Variants in SEC23IP observed in about 807,000 individuals in gnomAD.
The protein encoded by SEC23IP is SEC23-interacting protein.
In SEC23IP, 70 loss-of-function variants were observed where a neutral mutation model predicts 113.4. The ratio of observed to expected loss-of-function variants is 0.62; its 90% CI spans 0.51 to 0.75. The LOEUF (loss-of-function observed/expected upper bound fraction) is 0.75, where lower values mean the gene tolerates loss of function less well. Among genes scored for constraint, SEC23IP ranks in the 30% least tolerant of loss-of-function variants. The probability of loss-of-function intolerance (pLI) is 0.00; values close to 1 mark genes in which losing one functional copy is unlikely to be tolerated. For missense variants in SEC23IP, 1,160 were observed against 1,204.9 expected (o/e 0.96, Z 0.55); for synonymous variants, 398 against 421.0 (o/e 0.95, Z 0.67).
intron 12 of SEC23IP, among the ~76,000 whole-genome samples, chr10:119,922,142 G>C (rs1855269353): frequency 6.6e-6 from 1 of 152,154 alleles, no homozygotes; most frequent in Non-Finnish European, 1.5e-5. Context: ...GTGCTGTCCT[G>C]AGGCAGATGA....
At chr10:119,920,513 A>C (rs1218192641) in intron 11 of SEC23IP, among the ~76,000 whole-genome samples, 1 of 152,268 alleles carries the variant, frequency 6.6e-6, no homozygotes, top group Non-Finnish European at 1.5e-5. Context: ...ACACACAGAG[A>C]AAAACATGTA....
intron 12 of SEC23IP, among the ~76,000 whole-genome samples, chr10:119,923,205 C>T (rs1001781761): frequency 6.6e-6 from 1 of 151,950 alleles, no homozygotes; most frequent in Non-Finnish European, 1.5e-5. Flanking sequence ...TTGAAATGAG[C>T]AAAAATCTAT....
At chr10:119,912,640 T>C (rs1854902819) in intron 6 of SEC23IP, among the ~76,000 whole-genome samples, 1 of 136,464 alleles carries the variant, frequency 7.3e-6, no homozygotes, top group African/African-American at 2.5e-5. Context: ...CTTTTTCTTT[T>C]TCTTTTTTTT....
chr10:119,911,615 G>A (rs1037927511), intron 5 of SEC23IP, among the ~76,000 whole-genome samples: 3 of 151,844 alleles, frequency 2.0e-5, no homozygotes, highest in African/African-American at 7.3e-5. Context: ...AGCTGGTTCT[G>A]CAGGCATGCA....
At chr10:119,925,832 G>A (rs1052968107) in intron 12 of SEC23IP, among the ~76,000 whole-genome samples, 3 of 152,196 alleles carry the variant, frequency 2.0e-5, no homozygotes, top group African/African-American at 7.2e-5. Context: ...GTGAGCCACT[G>A]TGCCTGACCT....
At chr10:119,931,903 TTA>T (rs1855617820) in intron 15 of SEC23IP, among the ~76,000 whole-genome samples, 1 of 150,728 alleles carries the variant, frequency 6.6e-6, no homozygotes. Flanking sequence ...GAGAGAAAAT[TTA>T]TAGATTTTTG....
intron 7 of SEC23IP, among the ~76,000 whole-genome samples, chr10:119,915,304 C>T (rs943350451): frequency 9.9e-5 from 15 of 151,974 alleles, no homozygotes; most frequent in Admixed American, 2.0e-4. Flanking sequence ...GGGGTATAGG[C>T]GCTGTCACTG....
At chr10:119,912,842 C>T (rs1322837115) in intron 6 of SEC23IP, among the ~76,000 whole-genome samples, 2 of 151,660 alleles carry the variant, frequency 1.3e-5, no homozygotes, top group Non-Finnish European at 2.9e-5. Flanking sequence ...GGTTTCACCA[C>T]GTTGGCCAGG....
chr10:119,909,241 A>G, intron 5 of SEC23IP, 111 bp downstream of exon 5: 1 of 659,740 alleles, frequency 1.5e-6, no homozygotes. Context: ...ATGTTTTTGT[A>G]ACAAGTGCAT....
rs1855955887 is a variant in SEC23IP at position 119,941,258 on chromosome 10, T to C, written c.*693T>C. ...GGAAGCGCTCTCCTAGCACGTCCAT[T>C]TCCAGGAGGAGAAGCAAGCAGATGA... On this transcript the variant is annotated 3_prime_UTR_variant, in exon 19 of 19. Transcript: ENST00000369075. 6.6e-6 allele frequency: 1 copy of C among 152,186 alleles called. No homozygotes were observed. Among genetic ancestry groups the C allele is most frequent in the Admixed American group, 6.5e-5 (1 of 15,276 alleles). The allele number at this position is 152,186 out of a possible 1,614,324, so 9.4% of individuals were successfully genotyped here.
At chr10:119,922,899 A>G (rs1384923897) in intron 12 of SEC23IP, among the ~76,000 whole-genome samples, 1 of 152,034 alleles carries the variant, frequency 6.6e-6, no homozygotes, top group Non-Finnish European at 1.5e-5. Flanking sequence ...AGTCAAACTG[A>G]GACTAGGACA....
rs1490734020 is a variant in SEC23IP at position 119,895,251 on chromosome 10, G to T, written c.163+2306G>T. On this transcript the variant is annotated intron_variant, in intron 1 of 18. Transcript: ENST00000369075. ...ACACAAAAGTTAGTTGGATGTGGTG[G>T]TGGGCGCCTGTAATCCCAGCTACTC... Among the ~76,000 whole-genome samples the T allele has an allele frequency of 3.3e-5, 5 of 152,196 alleles. No individual in the cohort carries two copies. The East Asian group carries it at 9.6e-4, about 29-fold the overall frequency.
rs555122741 is a variant in SEC23IP at position 119,943,120 on chromosome 10, G to A, written c.*2555G>A. The A allele has an allele frequency of 1.2e-4, 19 of 152,232 alleles. No homozygotes were observed. The highest frequency in any genetic ancestry group is 3.6e-4 in the African/African-American group (15 of 41,524). The allele number at this position is 152,232 out of a possible 1,614,324, so 9.4% of individuals were successfully genotyped here. ...TGAGGCATCTAACTATCTTAATGCTGTACTTTAGTGTTTACCAAGCAGCTT... is the reference window on the plus strand; with the variant it reads ...TGAGGCATCTAACTATCTTAATGCTATACTTTAGTGTTTACCAAGCAGCTT... On this transcript the variant is annotated 3_prime_UTR_variant, in exon 19 of 19. Transcript: ENST00000369075.
intron 4 of SEC23IP, among the ~76,000 whole-genome samples, chr10:119,905,252 A>C (rs528661401): frequency 6.6e-6 from 1 of 152,332 alleles, no homozygotes; most frequent in African/African-American, 2.4e-5. Flanking sequence ...TAAATAAACA[A>C]ATAAAGATAT....
intron 4 of SEC23IP, among the ~76,000 whole-genome samples, chr10:119,907,388 G>T (rs867268854): frequency 6.6e-6 from 1 of 151,940 alleles, no homozygotes; most frequent in East Asian, 1.9e-4. Context: ...CTATTTTCAC[G>T]TGATTGTCAA....
At chr10:119,908,257 GA>G (rs1184041881) in intron 4 of SEC23IP, among the ~76,000 whole-genome samples, 2 of 151,736 alleles carry the variant, frequency 1.3e-5, no homozygotes, top group South Asian at 2.1e-4. Flanking sequence ...CAGCCCACAT[GA>G]AAAAAAAGAA....
In SEC23IP at chr10:119,943,371, TAACCTGTCTTC is replaced by T. The variant is rs1856008081; in HGVS notation, c.*2808_*2818del. ...GCGGTGCACGGGACAGACTGTCAGC[TAACCTGTCTTC>T]ATGACATTTCTATAATACTCCTCAG... On this transcript the variant is annotated 3_prime_UTR_variant, in exon 19 of 19. Coordinates refer to ENST00000369075, the MANE Select transcript of SEC23IP (RefSeq NM_007190.4). 6.6e-6 allele frequency: 1 copy of T among 152,198 alleles called. No homozygotes were observed. The highest frequency in any genetic ancestry group is 2.1e-4 in the South Asian group (1 of 4,824). The allele number at this position is 152,198 out of a possible 1,614,324, so 9.4% of individuals were successfully genotyped here.
chr10:119,943,709 T>C lies in SEC23IP; in HGVS notation c.*3144T>C, dbSNP rs1856015364. On this transcript the variant is annotated 3_prime_UTR_variant, in exon 19 of 19. Transcript: ENST00000369075. ...TTAACACCAGTGGGAGTTTGGGAAA[T>C]AATTCCAGCTCTTTAATACTTCTTT... 6.6e-6 allele frequency: 1 copy of C among 152,236 alleles called. No homozygotes were observed. Among genetic ancestry groups the C allele is most frequent in the African/African-American group, 2.4e-5 (1 of 41,464 alleles). 9.4% of individuals were successfully genotyped at this position (152,236 alleles called of 1,614,324 possible). A position where few individuals can be genotyped will look rare whatever the true frequency, so the allele number is the denominator to read the frequency against.
At chr10:119,936,555 A>G (rs2134540159) in intron 18 of SEC23IP, among the ~76,000 whole-genome samples, 1 of 151,352 alleles carries the variant, frequency 6.6e-6, no homozygotes, top group East Asian at 2.0e-4. Flanking sequence ...AAAAAAAAAA[A>G]AAAAAAAAAG....
Sources: allele counts gnomAD v4.1 joint callset (sites outside exome capture counted in the v4.1 genomes callset), GRCh38; gene constraint gnomAD v4.1.1; transcripts MANE v1.5; gene names NCBI Gene and HGNC (gene_info 2026-07-23, HGNC 2026-07-21).